The following NRXN3 variants were observed in gnomAD, a reference collection of about 807,000 sequenced individuals.
NRXN3 encodes neurexin 3.
Under a neutral mutation model 137.6 loss-of-function variants are expected in NRXN3, and 32 were observed. The observed-to-expected ratio is 0.23, with a 90% confidence interval of 0.18 to 0.31. The LOEUF (loss-of-function observed/expected upper bound fraction) is 0.31, where lower values mean the gene tolerates loss of function less well. Ranked by LOEUF, NRXN3 falls within the 10% of genes least tolerant of loss-of-function variation. The pLI, the probability that NRXN3 is intolerant of heterozygous loss-of-function variation, is 1.00. For synonymous variants in NRXN3, 798 were observed against 784.5 expected, an observed-to-expected ratio of 1.02 and a Z score of -0.29; for missense variants, 1,574 against 2,062.5, an observed-to-expected ratio of 0.76 and a Z score of 4.59.
At chr14:78,959,405 A>C (rs1383108166) in intron 11 of NRXN3, among the ~76,000 whole-genome samples, 1 of 152,214 alleles carries the variant, frequency 6.6e-6, no homozygotes, top group Non-Finnish European at 1.5e-5. Context: ...TGCTTGCTGT[A>C]CTTCAAAATC....
chr14:78,472,844 C>T (rs1258060670), intron 4 of NRXN3, among the ~76,000 whole-genome samples: 1 of 152,002 alleles, frequency 6.6e-6, no homozygotes, highest in East Asian at 1.9e-4. Context: ...GGAATATTCT[C>T]TAAACAATAG....
At chr14:79,261,554 T>A (rs946586955) in intron 15 of NRXN3, among the ~76,000 whole-genome samples, 2 of 142,294 alleles carry the variant, frequency 1.4e-5, no homozygotes, top group Admixed American at 7.9e-5. Context: ...ATAAGTCCAG[T>A]CTGGGAAAAT....
chr14:79,107,700 A>G (rs2052701592), intron 15 of NRXN3, among the ~76,000 whole-genome samples: 1 of 152,116 alleles, frequency 6.6e-6, no homozygotes, highest in African/African-American at 2.4e-5. Flanking sequence ...ATAGGGAGGT[A>G]GAGAGAGAAT....
intron 4 of NRXN3, among the ~76,000 whole-genome samples, chr14:78,308,888 A>G (rs888766330): frequency 1.3e-5 from 2 of 152,116 alleles, no homozygotes; most frequent in African/African-American, 4.8e-5. Flanking sequence ...GCTGGTAAGA[A>G]TTGCTAAATG....
chr14:79,704,196 A>C (rs559335072), intron 19 of NRXN3, among the ~76,000 whole-genome samples: 31 of 152,250 alleles, frequency 2.0e-4, no homozygotes, highest in African/African-American at 7.0e-4. Flanking sequence ...TGTAGATCAA[A>C]ATGGTTAAAT....
At chr14:78,693,336 T>C (rs1281515772) in intron 6 of NRXN3, among the ~76,000 whole-genome samples, 1 of 151,900 alleles carries the variant, frequency 6.6e-6, no homozygotes, top group Non-Finnish European at 1.5e-5. Context: ...ACCTGGGCAC[T>C]ACCTTCTCTT....
At chr14:78,414,313 T>A (rs2093009294) in intron 4 of NRXN3, among the ~76,000 whole-genome samples, 1 of 152,064 alleles carries the variant, frequency 6.6e-6, no homozygotes, top group African/African-American at 2.4e-5. Context: ...GCACATGCCT[T>A]TTATTGACAC....
intron 8 of NRXN3, among the ~76,000 whole-genome samples, chr14:78,779,656 C>A (rs1262379840): frequency 1.3e-5 from 2 of 151,968 alleles, no homozygotes; most frequent in Non-Finnish European, 2.9e-5. Flanking sequence ...ATCTAATTAT[C>A]CTCTCCCTAC....
At chr14:78,246,231 A>G (rs949690917) in intron 2 of NRXN3, among the ~76,000 whole-genome samples, 3 of 152,112 alleles carry the variant, frequency 2.0e-5, no homozygotes, top group Non-Finnish European at 2.9e-5. Flanking sequence ...AAAAATCTCT[A>G]TACTGTATAT....
In NRXN3 at chr14:78,291,665, A is replaced by C. The variant is rs973507910; in HGVS notation, c.728-6166A>C. Among the ~76,000 whole-genome samples the C allele has an allele frequency of 1.4e-4, 21 of 152,310 alleles. 1 individual carries two copies. The highest frequency in any genetic ancestry group is 5.1e-4 in the African/African-American group (21 of 41,562). On this transcript the variant is annotated intron_variant, in intron 3 of 20. Transcript: ENST00000335750. ...GTATCTACTGAGTTCTTCCAGAAAC[A>C]TCAGGTGAATGTTTCTATGACCTTC...
chr14:78,630,691 G>A (rs2097513097), intron 4 of NRXN3, among the ~76,000 whole-genome samples: 1 of 149,614 alleles, frequency 6.7e-6, no homozygotes, highest in African/African-American at 2.5e-5. Flanking sequence ...GGCAAGCTCC[G>A]CCTCCTGGGT....
intron 12 of NRXN3, 24 bp from the exon 13 acceptor site, chr14:78,967,184 G>GTTTT (rs10603296): frequency 2.4e-5 from 34 of 1,421,054 alleles, no homozygotes; most frequent in South Asian, 9.2e-5. Flanking sequence ...TCCAATTATT[G>GTTTT]TTTTTTTTTT....
intron 6 of NRXN3, among the ~76,000 whole-genome samples, chr14:78,702,308 A>G (rs2098290431): frequency 1.3e-5 from 2 of 150,716 alleles, no homozygotes. Context: ...TAAATAAATA[A>G]TATATAACTT....
At chr14:78,371,833 A>G (rs908485488) in intron 4 of NRXN3, among the ~76,000 whole-genome samples, 2 of 152,248 alleles carry the variant, frequency 1.3e-5, no homozygotes, top group African/African-American at 4.8e-5. Flanking sequence ...GTATAGTGAT[A>G]AGTATGCAGT....
intron 4 of NRXN3, among the ~76,000 whole-genome samples, chr14:78,397,089 T>C (rs2091535465): frequency 1.3e-5 from 2 of 152,186 alleles, no homozygotes. Context: ...GGCTTCAACA[T>C]ATGAATTTTA....
intron 4 of NRXN3, among the ~76,000 whole-genome samples, chr14:78,633,113 G>C (rs2097536073): frequency 6.6e-6 from 1 of 151,638 alleles, no homozygotes; most frequent in Non-Finnish European, 1.5e-5. Context: ...AAATTAGCCT[G>C]GTGTGGTGGC....
At chr14:79,547,119 T>A (rs939741256) in intron 16 of NRXN3, among the ~76,000 whole-genome samples, 2 of 152,062 alleles carry the variant, frequency 1.3e-5, no homozygotes, top group South Asian at 4.1e-4. Flanking sequence ...TAAAAAACAG[T>A]ATGTCCATGC....
intron 4 of NRXN3, among the ~76,000 whole-genome samples, chr14:78,612,235 A>C (rs2097306553): frequency 6.6e-6 from 1 of 152,220 alleles, no homozygotes; most frequent in African/African-American, 2.4e-5. Context: ...AATATCATTT[A>C]GTAGACTCTA....
At chr14:79,697,974 T>G in intron 19 of NRXN3, 37 bp downstream of exon 19, 9 of 1,558,212 alleles carry the variant, frequency 5.8e-6, no homozygotes, top group Non-Finnish European at 7.9e-6. Flanking sequence ...CGTCTGTATT[T>G]TTATCTTTGC....
Sources: allele counts gnomAD v4.1 joint callset (sites outside exome capture counted in the v4.1 genomes callset), GRCh38; gene constraint gnomAD v4.1.1; transcripts MANE v1.5; gene names NCBI Gene and HGNC (gene_info 2026-07-23, HGNC 2026-07-21).